PTPRR: variants seen among roughly 807,000 people sequenced by gnomAD.
The protein encoded by PTPRR is receptor-type tyrosine-protein phosphatase R.
A neutral mutation model predicts 77.2 loss-of-function variants in PTPRR; 38 were observed. That is an observed-to-expected ratio of 0.49 (90% confidence interval 0.38 to 0.65). The LOEUF (loss-of-function observed/expected upper bound fraction) is 0.65. PTPRR is among the 30% of genes least tolerant of loss of function. The pLI is 0.00. For missense variants in PTPRR, 744 were observed against 799.2 expected (o/e 0.93, Z 0.83); for synonymous variants, 299 against 283.1 (o/e 1.06, Z -0.57).
chr12:70,876,707 G>A (rs1592809083), intron 2 of PTPRR, among the ~76,000 whole-genome samples: 1 of 152,094 alleles, frequency 6.6e-6, no homozygotes, highest in East Asian at 1.9e-4. Context: ...AATAAATTGG[G>A]AGTTATTTTG....
At chr12:70,915,731 T>G (rs1374919459) in intron 1 of PTPRR, among the ~76,000 whole-genome samples, 1 of 152,174 alleles carries the variant, frequency 6.6e-6, no homozygotes, top group Admixed American at 6.5e-5. Context: ...AGAGATAGTG[T>G]GTTTTGGGGG....
intron 2 of PTPRR, among the ~76,000 whole-genome samples, chr12:70,824,876 T>G (rs1450941227): frequency 1.3e-5 from 2 of 152,250 alleles, no homozygotes; most frequent in African/African-American, 4.8e-5. Flanking sequence ...CATGAACATC[T>G]TAAGTGCTTA....
At chr12:70,903,021 A>G (rs1893564677) in intron 1 of PTPRR, among the ~76,000 whole-genome samples, 1 of 151,888 alleles carries the variant, frequency 6.6e-6, no homozygotes, top group South Asian at 2.1e-4. Flanking sequence ...GGGCACAGAA[A>G]GACAAATATC....
chr12:70,710,348 A>T (rs1888780385), intron 6 of PTPRR, among the ~76,000 whole-genome samples: 1 of 152,208 alleles, frequency 6.6e-6, no homozygotes, highest in Non-Finnish European at 1.5e-5. Flanking sequence ...GACTAGCCAT[A>T]TGCAGAAAAT....
At chr12:70,648,553 T>G (rs1211644450) in intron 13 of PTPRR, among the ~76,000 whole-genome samples, 2 of 152,100 alleles carry the variant, frequency 1.3e-5, no homozygotes, top group African/African-American at 4.8e-5. Context: ...ATATTTCTGG[T>G]TTTTATACCA....
Position 70,920,045 on chromosome 12 carries a change from A to G in PTPRR, c.58+288T>C, listed in dbSNP as rs1370904781. Among the ~76,000 whole-genome samples the G allele has an allele frequency of 2.6e-5, 4 of 152,088 alleles. No individual in the cohort carries two copies. In the East Asian group the frequency reaches 7.7e-4, roughly 29 times the overall value. On this transcript the variant is annotated intron_variant, in intron 1 of 13. Coordinates refer to ENST00000283228, the MANE Select transcript of PTPRR (RefSeq NM_002849.4). Reference sequence around the variant, plus strand: ...CATAGCCTAGAAACAAGAGCAGGGAATCTAGACGGAGGGGAGGCGAAGGGG... The same window carrying G: ...CATAGCCTAGAAACAAGAGCAGGGAGTCTAGACGGAGGGGAGGCGAAGGGG...
intron 6 of PTPRR, among the ~76,000 whole-genome samples, chr12:70,734,020 G>T (rs978077453): frequency 6.6e-6 from 1 of 152,266 alleles, no homozygotes; most frequent in East Asian, 1.9e-4. Context: ...AAAGTCTCTG[G>T]CTGCAAGGAA....
chr12:70,770,054 C>T (rs1298595850), intron 2 of PTPRR, among the ~76,000 whole-genome samples: 4 of 151,720 alleles, frequency 2.6e-5, no homozygotes, highest in Non-Finnish European at 5.9e-5. Context: ...ACCATAAAAA[C>T]CCTAGAAGAA....
At chr12:70,740,808 G>T (rs1023212650) in intron 6 of PTPRR, among the ~76,000 whole-genome samples, 33 of 152,166 alleles carry the variant, frequency 2.2e-4, no homozygotes, top group African/African-American at 7.9e-4. Context: ...ATACTTTTAT[G>T]CAATAAGTAG....
At chr12:70,875,420 CG>C (rs1484523016) in intron 2 of PTPRR, among the ~76,000 whole-genome samples, 2 of 151,628 alleles carry the variant, frequency 1.3e-5, no homozygotes, top group Non-Finnish European at 2.9e-5. Flanking sequence ...CCAGGAGATA[CG>C]GAGGTTCAAT....
At chr12:70,818,010 G>A (rs1891935799) in intron 2 of PTPRR, among the ~76,000 whole-genome samples, 1 of 152,020 alleles carries the variant, frequency 6.6e-6, no homozygotes, top group Non-Finnish European at 1.5e-5. Flanking sequence ...TCAGGAGCTC[G>A]AAACCAGCCT....
intron 1 of PTPRR, among the ~76,000 whole-genome samples, chr12:70,907,943 CAGG>C (rs1383966792): frequency 6.6e-6 from 1 of 152,168 alleles, no homozygotes; most frequent in Non-Finnish European, 1.5e-5. Flanking sequence ...GCAGAAATCA[CAGG>C]AGTTCAGTTC....
chr12:70,815,617 T>G (rs1370926987), intron 2 of PTPRR, among the ~76,000 whole-genome samples: 1 of 152,166 alleles, frequency 6.6e-6, no homozygotes, highest in Non-Finnish European at 1.5e-5. Flanking sequence ...GGGGGACAGA[T>G]TTAGCATCAT....
chr12:70,855,845 T>G (rs1473663581), intron 2 of PTPRR, among the ~76,000 whole-genome samples: 1 of 152,210 alleles, frequency 6.6e-6, no homozygotes, highest in Non-Finnish European at 1.5e-5. Context: ...AACAATGTTT[T>G]GCAACATCCC....
chr12:70,670,142 T>A (rs1386586780), intron 10 of PTPRR, among the ~76,000 whole-genome samples: 1 of 152,194 alleles, frequency 6.6e-6, no homozygotes, highest in African/African-American at 2.4e-5. Flanking sequence ...GTAGTTTAAC[T>A]CAGATGAAAG....
chr12:70,692,903 T>A (rs527901278), intron 8 of PTPRR, among the ~76,000 whole-genome samples: 2 of 152,330 alleles, frequency 1.3e-5, no homozygotes, highest in Admixed American at 6.5e-5. Flanking sequence ...GGGCAAAGGC[T>A]GTATTTAATT....
intron 2 of PTPRR, among the ~76,000 whole-genome samples, chr12:70,797,052 A>G (rs2137015806): frequency 6.6e-6 from 1 of 152,300 alleles, no homozygotes; most frequent in South Asian, 2.1e-4. Flanking sequence ...AAAATAAGCA[A>G]TAACTGATGA....
chr12:70,669,434 T>TA (rs1566056349), intron 10 of PTPRR, among the ~76,000 whole-genome samples: 1 of 149,612 alleles, frequency 6.7e-6, no homozygotes, highest in East Asian at 2.0e-4. Flanking sequence ...CAAAGCTATT[T>TA]TATATATATA....
chr12:70,866,690 G>T (rs1353573387), intron 2 of PTPRR, among the ~76,000 whole-genome samples: 1 of 152,178 alleles, frequency 6.6e-6, no homozygotes, highest in South Asian at 2.1e-4. Context: ...TATGAGGCCA[G>T]CATCATCCTG....
Sources: allele counts gnomAD v4.1 joint callset (sites outside exome capture counted in the v4.1 genomes callset), GRCh38; gene constraint gnomAD v4.1.1; transcripts MANE v1.5; gene names NCBI Gene and HGNC (gene_info 2026-07-23, HGNC 2026-07-21).